The following EHD2 variants were observed in gnomAD, a reference collection of about 807,000 sequenced individuals.
EHD2 encodes EH domain containing 2, also known as EH domain-containing protein 2.
In EHD2, 27 loss-of-function variants were observed where a neutral mutation model predicts 41.0. The ratio of observed to expected loss-of-function variants is 0.66; its 90% CI spans 0.49 to 0.91. The LOEUF (loss-of-function observed/expected upper bound fraction) is 0.91. Among genes scored for constraint, EHD2 ranks in the 40% least tolerant of loss-of-function variants. The pLI is 0.00. For missense variants in EHD2, 673 were observed against 773.9 expected (o/e 0.87, Z 1.55); for synonymous variants, 342 against 341.0 (o/e 1.00, Z -0.03).
chr19:47,716,039 G>T (rs1311457084), intron 1 of EHD2, among the ~76,000 whole-genome samples: 1 of 150,336 alleles, frequency 6.7e-6, no homozygotes, highest in African/African-American at 2.4e-5. Flanking sequence ...GAAGTGCTGG[G>T]ATTACAGGCA....
At chr19:47,740,442 AAAAC>A (rs548873510) in intron 5 of EHD2, among the ~76,000 whole-genome samples, 5 of 147,852 alleles carry the variant, frequency 3.4e-5, no homozygotes, top group African/African-American at 9.8e-5. Flanking sequence ...CTGTCAAAAA[AAAAC>A]AAAACAAAAC....
intron 2 of EHD2, 91 bp downstream of exon 2, chr19:47,717,107 G>A: frequency 2.6e-6 from 4 of 1,526,648 alleles, no homozygotes; most frequent in Non-Finnish European, 3.5e-6. Flanking sequence ...GAGTGCAGTG[G>A]TGCGATCTCA....
Position 47,741,288 on chromosome 19 carries a change from C to G in EHD2, c.1488C>G (p.Asp496Glu), listed in dbSNP as rs1180220435. 6.2e-7 allele frequency: 1 copy of G among 1,613,936 alleles called. No homozygotes were observed. The highest frequency in any genetic ancestry group is 8.5e-7 in the Non-Finnish European group (1 of 1,179,974). ...LGRIWKLSDV[D>E]RDGMLDDEEF... ...GCATCTGGAAGCTCAGCGATGTGGA[C>G]CGCGACGGCATGCTGGATGATGAGG... is the stretch of plus-strand genomic sequence containing the variant. Residue 496 changes from aspartate to glutamate, a missense_variant, in exon 6 of 6, where the codon GAC becomes GAG. Coordinates refer to ENST00000263277, the MANE Select transcript of EHD2 (RefSeq NM_014601.4). The surrounding 1 kb of genome is among the most constrained non-coding windows in gnomAD (Gnocchi z 4.5).
In EHD2 at chr19:47,719,439, G is replaced by A. The variant is rs1027053801; in HGVS notation, c.502+833G>A. Among the ~76,000 whole-genome samples the A allele has an allele frequency of 6.6e-6, 1 of 152,052 alleles. No individual in the cohort carries two copies. The highest frequency in any genetic ancestry group is 1.5e-5 in the Non-Finnish European group (1 of 67,974). ...CTGTGCAAGGAGAGTGGCGGGGGGT[G>A]GATTCCAGCCGGGGCCTCCGGGCGT... On this transcript the variant is annotated intron_variant, in intron 3 of 5. Transcript: ENST00000263277. The surrounding 1 kb of genome is among the most constrained non-coding windows in gnomAD (Gnocchi z 4.1).
chr19:47,723,141 C>T (rs12461166), intron 3 of EHD2, among the ~76,000 whole-genome samples: 55,616 of 152,018 alleles, frequency 0.37, 10,510 homozygotes, highest in Middle Eastern at 0.54. Context: ...CCTGGATCCC[C>T]CTGCCCACCC....
At chr19:47,728,861 C>G (rs761053957) in intron 4 of EHD2, among the ~76,000 whole-genome samples, 12 of 152,260 alleles carry the variant, frequency 7.9e-5, no homozygotes, top group African/African-American at 2.7e-4. Context: ...TAAGCCACCA[C>G]ACCCAGCCAA....
rs763515230 is a variant in EHD2 at position 47,716,689 on chromosome 19, A to G, written c.77A>G (p.Lys26Arg). Residue 26 changes from lysine to arginine, a missense_variant, in exon 2 of 6, where the codon AAG becomes AGG. By Grantham distance (26) the Lys-to-Arg change is conservative. Coordinates refer to ENST00000263277, the MANE Select transcript of EHD2 (RefSeq NM_014601.4). ...ATCCGCACGGTGACCTCGGCCCTCAAGGAGCTGTACCGCACGAAGCTGCTG... is the reference window on the plus strand; with the variant it reads ...ATCCGCACGGTGACCTCGGCCCTCAGGGAGCTGTACCGCACGAAGCTGCTG... Reference protein sequence around the residue: ...EAIRTVTSALKELYRTKLLPL... With the variant: ...EAIRTVTSALRELYRTKLLPL... 10 of 1,609,866 alleles carry G rather than the reference A, an allele frequency of 6.2e-6. No individual in the cohort carries two copies. The highest frequency in any genetic ancestry group is 8.5e-6 in the Non-Finnish European group (10 of 1,178,126).
intron 5 of EHD2, 46 bp downstream of exon 5, chr19:47,736,579 G>A (rs1049120256): frequency 6.5e-7 from 1 of 1,527,032 alleles, no homozygotes; most frequent in Non-Finnish European, 8.8e-7. Context: ...GTGATGGGAA[G>A]GTTGGTTTCT....
intron 3 of EHD2, among the ~76,000 whole-genome samples, chr19:47,722,511 A>T (rs1020532163): frequency 5.4e-5 from 8 of 149,300 alleles, no homozygotes; most frequent in Non-Finnish European, 8.9e-5. Flanking sequence ...GGCCCATGGG[A>T]CTCCTCTTCT....
At chr19:47,737,043 A>G (rs994946838) in intron 5 of EHD2, among the ~76,000 whole-genome samples, 7 of 151,980 alleles carry the variant, frequency 4.6e-5, no homozygotes, top group Non-Finnish European at 8.8e-5. Flanking sequence ...CATCCTGGCT[A>G]ACACGGTGAA....
Position 47,719,596 on chromosome 19 carries a change from G to C in EHD2, c.502+990G>C, listed in dbSNP as rs1973673292. 6.6e-6 allele frequency among the ~76,000 whole-genome samples: 1 copy of C among 152,146 alleles called. No homozygotes were observed. Among genetic ancestry groups the C allele is most frequent in the African/African-American group, 2.4e-5 (1 of 41,448 alleles). On this transcript the variant is annotated intron_variant, in intron 3 of 5. Coordinates refer to ENST00000263277, the MANE Select transcript of EHD2 (RefSeq NM_014601.4). This position sits in a 1 kb window ranked among gnomAD's most constrained non-coding sequence, Gnocchi z 4.1. ...GCAAAGGAGGCTGCTATGTGGGGCA[G>C]AGAGGATGGGAGGCCCTGGCGAGAA... is the stretch of plus-strand genomic sequence containing the variant.
At chr19:47,734,247 A>G (rs1458403535) in intron 4 of EHD2, among the ~76,000 whole-genome samples, 1 of 151,844 alleles carries the variant, frequency 6.6e-6, no homozygotes, top group African/African-American at 2.4e-5. Flanking sequence ...AGGTGGGAGG[A>G]TGGATTGAGC....
intron 4 of EHD2, among the ~76,000 whole-genome samples, chr19:47,729,301 G>C (rs959198251): frequency 2.0e-5 from 3 of 152,180 alleles, no homozygotes; most frequent in Non-Finnish European, 4.4e-5. Flanking sequence ...GGATGTGGCT[G>C]AGATCAGAGG....
In EHD2 at chr19:47,741,979, C is replaced by T. The variant is rs761955256; in HGVS notation, c.*547C>T. 4.4e-6 allele frequency: 2 copies of T among 455,918 alleles called. No homozygotes were observed. Among genetic ancestry groups the T allele is most frequent in the Non-Finnish European group, 8.8e-6 (2 of 226,780 alleles). The allele number at this position is 455,918 out of a possible 1,614,324, so 28.2% of individuals were successfully genotyped here. The stretch of plus-strand genomic sequence containing the variant: ...CTTCCTCCTGCCCAGCCAGGCAACA[C>T]CCTCAACCGGCTCCATCACATCCTC... On this transcript the variant is annotated 3_prime_UTR_variant, in exon 6 of 6. Transcript: ENST00000263277. The surrounding 1 kb of genome is among the most constrained non-coding windows in gnomAD (Gnocchi z 4.5).
chr19:47,741,435 C>G lies in EHD2; in HGVS notation c.*3C>G, dbSNP rs752828516. 1.0e-5 allele frequency: 16 copies of G among 1,562,654 alleles called. No homozygotes were observed. The highest frequency in any genetic ancestry group is 8.1e-5 in the African/African-American group (6 of 73,812). The stretch of plus-strand genomic sequence containing the variant: ...GCCACAAGGGCTCCGCCGAGTGAGC[C>G]GGCCCCCCTCCCATGGCCCTGCTGT... On this transcript the variant is annotated 3_prime_UTR_variant, in exon 6 of 6. Transcript: ENST00000263277. This position sits in a 1 kb window ranked among gnomAD's most constrained non-coding sequence, Gnocchi z 4.5.
In EHD2 at chr19:47,741,757, C is replaced by T. The variant is rs1178573172; in HGVS notation, c.*325C>T. 1 of 569,478 alleles carries T rather than the reference C, an allele frequency of 1.8e-6. No individual in the cohort carries two copies. The allele number at this position is 569,478 out of a possible 1,614,324, so 35.3% of individuals were successfully genotyped here. On this transcript the variant is annotated 3_prime_UTR_variant, in exon 6 of 6. Transcript: ENST00000263277. This position sits in a 1 kb window ranked among gnomAD's most constrained non-coding sequence, Gnocchi z 4.5. The stretch of plus-strand genomic sequence containing the variant: ...CACCTACTATGTGCCCAGCCCTGTT[C>T]TAGGCACTGGGCATTACCATAGAGA...
intron 3 of EHD2, among the ~76,000 whole-genome samples, chr19:47,721,160 T>TGG (rs772923398): frequency 2.8e-4 from 31 of 108,932 alleles, no homozygotes; most frequent in Middle Eastern, 5.0e-3. Flanking sequence ...GATGTGCTAC[T>TGG]GGGGGTGTGT....
chr19:47,733,768 A>AAAAAAAAAAAAC (rs1336636728), intron 4 of EHD2, among the ~76,000 whole-genome samples: 1 of 149,530 alleles, frequency 6.7e-6, no homozygotes, highest in Non-Finnish European at 1.5e-5. Flanking sequence ...AAAAAAAAAA[A>AAAAAAAAAAAAC]AAAAAAATCC....
At position 47,742,677 on chromosome 19, in the gene EHD2, C is replaced by G. The variant is rs1007489778; in HGVS notation, c.*1245C>G. The G allele has an allele frequency of 2.0e-5, 3 of 152,718 alleles. No individual in the cohort carries two copies. The highest frequency in any genetic ancestry group is 7.2e-5 in the African/African-American group (3 of 41,452). The allele number at this position is 152,718 out of a possible 1,614,324, so 9.5% of individuals were successfully genotyped here. A position where few individuals can be genotyped will look rare whatever the true frequency, so the allele number is the denominator to read the frequency against. Reference sequence around the variant, plus strand: ...TGGAGATATTTCCGTCCTCCACCCACGTGTCTGTGGCTGGAACTGCCCAGC... The same window carrying G: ...TGGAGATATTTCCGTCCTCCACCCAGGTGTCTGTGGCTGGAACTGCCCAGC... On this transcript the variant is annotated 3_prime_UTR_variant, in exon 6 of 6. Transcript: ENST00000263277.
Sources: allele counts gnomAD v4.1 joint callset (sites outside exome capture counted in the v4.1 genomes callset), GRCh38; gene constraint gnomAD v4.1.1; non-coding constraint Gnocchi (gnomAD v3.1); transcripts MANE v1.5; gene names NCBI Gene and HGNC (gene_info 2026-07-23, HGNC 2026-07-21).